RTL4: variants seen among roughly 807,000 people sequenced by gnomAD.
RTL4 encodes retrotransposon Gag-like protein 4.
Under a neutral mutation model 5.3 loss-of-function variants are expected in RTL4, and 4 were observed. The ratio of observed to expected loss-of-function variants is 0.75; its 90% confidence interval spans 0.37 to 1.72. The LOEUF is 1.72. RTL4 is among the 40% of genes most tolerant of loss of function. The probability of loss-of-function intolerance (pLI) is 0.04; values close to 1 mark genes in which losing one functional copy is unlikely to be tolerated. For synonymous variants in RTL4, 98 were observed against 87.3 expected (o/e 1.12, Z -0.68); for missense variants, 260 against 227.1 (o/e 1.14, Z -0.93).
chrX:112,384,061 G>A, the RTL4 span, among the ~76,000 whole-genome samples: 32 of 112,187 alleles, frequency 2.9e-4, no homozygotes, highest in African/African-American at 1.0e-3. Flanking sequence ...ACTTGAATGA[G>A]TACCTAGAAG....
the RTL4 span, among the ~76,000 whole-genome samples, chrX:112,407,689 C>A: frequency 8.9e-6 from 1 of 112,168 alleles, no homozygotes; most frequent in Non-Finnish European, 1.9e-5. Flanking sequence ...TTATAGCAAG[C>A]CTTGTATGAG....
At chrX:112,452,718 C>G (rs1263430715), upstream of RTL4, among the ~76,000 whole-genome samples, 1 of 111,487 alleles carries the variant, frequency 9.0e-6, no homozygotes, top group Non-Finnish European at 1.9e-5. Flanking sequence ...ATTGATATAA[C>G]CACCTTCTGA....
chrX:112,111,572 G>A, the RTL4 span, among the ~76,000 whole-genome samples: 2 of 112,835 alleles, frequency 1.8e-5, no homozygotes, highest in African/African-American at 6.4e-5. Flanking sequence ...GCATGGGCAT[G>A]TAGGATTAGA....
the RTL4 span, among the ~76,000 whole-genome samples, chrX:112,226,601 A>G: frequency 9.0e-6 from 1 of 111,692 alleles, no homozygotes; most frequent in Non-Finnish European, 1.9e-5. Context: ...GTTTTCATAG[A>G]TGTAAAATGG....
At chrX:112,371,597 A>C in the RTL4 span, among the ~76,000 whole-genome samples, 7 of 111,932 alleles carry the variant, frequency 6.3e-5, no homozygotes, top group Non-Finnish European at 1.1e-4. Flanking sequence ...TCTAATGTGT[A>C]ATGACTTGAA....
chrX:112,405,058 C>T, the RTL4 span, among the ~76,000 whole-genome samples: 1 of 111,015 alleles, frequency 9.0e-6, no homozygotes, highest in Admixed American at 9.6e-5. Context: ...CTTTAAGAAA[C>T]GATCATCTAT....
At chrX:112,311,348 A>AT in the RTL4 span, among the ~76,000 whole-genome samples, 3 of 110,764 alleles carry the variant, frequency 2.7e-5, no homozygotes, top group African/African-American at 9.8e-5. Context: ...TTCCCTCTGC[A>AT]TTTTATAGGA....
chrX:112,095,641 G>T, the RTL4 span, among the ~76,000 whole-genome samples: 1 of 111,302 alleles, frequency 9.0e-6, no homozygotes, highest in South Asian at 3.8e-4. Context: ...GAGCCTCATT[G>T]TCTTGAGAAT....
At chrX:112,376,349 G>A in the RTL4 span, among the ~76,000 whole-genome samples, 1 of 111,504 alleles carries the variant, frequency 9.0e-6, no homozygotes, top group South Asian at 3.7e-4. Flanking sequence ...CTCACTCCCA[G>A]TTGAAGTGGG....
the RTL4 span, among the ~76,000 whole-genome samples, chrX:112,178,581 A>G: frequency 1.8e-5 from 2 of 111,783 alleles, no homozygotes; most frequent in African/African-American, 6.5e-5. Context: ...TTATTCTAAA[A>G]TACATAGTTT....
At chrX:112,444,756 A>G in the RTL4 span, among the ~76,000 whole-genome samples, 2 of 111,656 alleles carry the variant, frequency 1.8e-5, no homozygotes, top group African/African-American at 3.3e-5. Context: ...TGTGTCTACA[A>G]ATTTTTCCAT....
chrX:112,393,576 A>G, the RTL4 span, among the ~76,000 whole-genome samples: 1 of 111,649 alleles, frequency 9.0e-6, no homozygotes, highest in Admixed American at 9.4e-5. Flanking sequence ...CCCACTTTAA[A>G]AAGCAGTCTG....
chrX:112,304,639 CTTTTTTTTT>C, the RTL4 span, among the ~76,000 whole-genome samples: 1 of 48,372 alleles, frequency 2.1e-5, no homozygotes, highest in Non-Finnish European at 3.7e-5. Flanking sequence ...TTTCCCACAT[CTTTTTTTTT>C]TTTTTTTTTT....
the RTL4 span, among the ~76,000 whole-genome samples, chrX:112,187,986 A>C: frequency 8.9e-6 from 1 of 111,965 alleles, no homozygotes; most frequent in African/African-American, 3.2e-5. Flanking sequence ...TGATGATGAT[A>C]ATGATGATCA....
the RTL4 span, among the ~76,000 whole-genome samples, chrX:112,401,925 A>G: frequency 1.8e-5 from 2 of 112,133 alleles, no homozygotes; most frequent in African/African-American, 6.5e-5. Context: ...CCATGTTTCT[A>G]TACAATTTTC....
chrX:112,273,998 C>G, the RTL4 span, among the ~76,000 whole-genome samples: 7 of 111,900 alleles, frequency 6.3e-5, no homozygotes, highest in Non-Finnish European at 1.3e-4. Context: ...CTCAAACACT[C>G]TGTGAGATAG....
the RTL4 span, among the ~76,000 whole-genome samples, chrX:112,365,565 T>C: frequency 3.6e-5 from 4 of 111,271 alleles, no homozygotes; most frequent in Non-Finnish European, 5.7e-5. Flanking sequence ...TAAAAGAAGT[T>C]TGTAGATTCC....
the RTL4 span, among the ~76,000 whole-genome samples, chrX:112,283,231 C>T: frequency 1.8e-5 from 2 of 111,927 alleles, no homozygotes; most frequent in Non-Finnish European, 3.8e-5. Context: ...AATCAGGAAA[C>T]TTTAATTCAA....
the RTL4 span, among the ~76,000 whole-genome samples, chrX:112,144,630 A>T: frequency 9.0e-6 from 1 of 111,254 alleles, no homozygotes. Context: ...AGTGCCTGGG[A>T]CTTGCTCCGG....
Sources: allele counts gnomAD v4.1 joint callset (sites outside exome capture counted in the v4.1 genomes callset), GRCh38; gene constraint gnomAD v4.1.1; transcripts MANE v1.5; gene names NCBI Gene and HGNC (gene_info 2026-07-23, HGNC 2026-07-21).